SETD7: variants seen among roughly 807,000 people sequenced by gnomAD.
SETD7 encodes SET domain containing 7, histone lysine methyltransferase.
A neutral mutation model predicts 41.8 loss-of-function variants in SETD7; 16 were observed. The ratio of observed to expected loss-of-function variants is 0.38; its 90% confidence interval spans 0.26 to 0.58. The LOEUF (loss-of-function observed/expected upper bound fraction) is 0.58. Ranked by LOEUF, SETD7 falls within the 20% of genes least tolerant of loss-of-function variation. The pLI is 0.64. For missense variants in SETD7, 346 were observed against 459.7 expected (o/e 0.75, Z 2.26); for synonymous variants, 163 against 169.7 (o/e 0.96, Z 0.31).
In SETD7 at chr4:139,508,334, T is replaced by C. The variant is rs1726765829; in HGVS notation, c.*3329A>G. ...CTTAGTGTCTCAGGTAGATCAAGGA[T>C]GAAGCAAGTTAAAATAAGAATAGGT... is the stretch of plus-strand genomic sequence containing the variant. On this transcript the variant is annotated 3_prime_UTR_variant, in exon 8 of 8. Coordinates refer to ENST00000274031, the MANE Select transcript of SETD7 (RefSeq NM_030648.4). 1 of 152,200 alleles carries C rather than the reference T, an allele frequency of 6.6e-6. No individual in the cohort carries two copies. The highest frequency in any genetic ancestry group is 1.5e-5 in the Non-Finnish European group (1 of 68,042). The allele number at this position is 152,200 out of a possible 1,614,324, so 9.4% of individuals were successfully genotyped here. A position where few individuals can be genotyped will look rare whatever the true frequency, so the allele number is the denominator to read the frequency against.
At chr4:139,528,952 G>C in intron 4 of SETD7, 79 bp downstream of exon 4, 1 of 1,251,612 alleles carries the variant, frequency 8.0e-7, no homozygotes, top group Non-Finnish European at 1.2e-6. Flanking sequence ...GAGAGGAAAA[G>C]AAAAGAAGCT....
intron 6 of SETD7, among the ~76,000 whole-genome samples, chr4:139,519,510 T>G (rs1185481738): frequency 6.6e-6 from 1 of 152,262 alleles, no homozygotes; most frequent in African/African-American, 2.4e-5. Flanking sequence ...CAGACCATAG[T>G]GCAGTTTGAA....
At chr4:139,502,715 G>C (rs1047344380), downstream of SETD7, among the ~76,000 whole-genome samples, 3 of 152,184 alleles carry the variant, frequency 2.0e-5, no homozygotes, top group African/African-American at 7.2e-5. Context: ...ACAGCAGAGA[G>C]GCAGGAAAAG....
At chr4:139,505,689 C>T (rs1057385173), downstream of SETD7, among the ~76,000 whole-genome samples, 12 of 152,086 alleles carry the variant, frequency 7.9e-5, no homozygotes, top group Admixed American at 2.0e-4. Flanking sequence ...CAAAATCTAC[C>T]ACAACGTCTA....
intron 5 of SETD7, 150 bp from the exon 6 acceptor site, chr4:139,520,544 C>T (rs978192154): frequency 2.1e-5 from 10 of 487,434 alleles, no homozygotes; most frequent in African/African-American, 1.8e-4. Flanking sequence ...AGTTAAACCA[C>T]AATATTTTGG....
chr4:139,546,600 C>T (rs1727955229), intron 2 of SETD7: 2 of 370,396 alleles, frequency 5.4e-6, no homozygotes, highest in South Asian at 2.3e-5. Context: ...GATGCGCTAC[C>T]GGAATGATCA....
intron 2 of SETD7, among the ~76,000 whole-genome samples, chr4:139,538,172 G>C (rs191550137): frequency 6.6e-6 from 1 of 152,070 alleles, no homozygotes; most frequent in African/African-American, 2.4e-5. Context: ...AGTAATTTAT[G>C]AGTGATCCAA....
rs34969738 is a variant in SETD7 at position 139,555,182 on chromosome 4, CAAAAAAA to C, written c.40+909_40+915del. On this transcript the variant is annotated intron_variant, in intron 1 of 7. Transcript: ENST00000274031. The surrounding 1 kb of genome is among the most constrained non-coding windows in gnomAD (Gnocchi z 4.0). ...CCCCACATCGTTTTTTCAGAACTAA[CAAAAAAA>C]AAAAAAAAAAGGTGGAGAAACTCAG... Among the ~76,000 whole-genome samples the C allele has an allele frequency of 2.7e-5, 3 of 110,282 alleles. No individual in the cohort carries two copies. The highest frequency in any genetic ancestry group is 1.1e-4 in the Admixed American group (1 of 9,494). The allele number at this position is 110,282 out of a possible 152,430, so 72.3% of individuals were successfully genotyped here. A position where few individuals can be genotyped will look rare whatever the true frequency, so the allele number is the denominator to read the frequency against.
intron 2 of SETD7, among the ~76,000 whole-genome samples, chr4:139,538,254 C>T (rs1727692892): frequency 6.6e-6 from 1 of 152,106 alleles, no homozygotes; most frequent in Admixed American, 6.5e-5. Context: ...ACATAAAAAG[C>T]AATTCAAGCA....
chr4:139,528,389 G>C (rs1260230705), intron 4 of SETD7, among the ~76,000 whole-genome samples: 1 of 152,104 alleles, frequency 6.6e-6, no homozygotes, highest in African/African-American at 2.4e-5. Context: ...TACTTGATTT[G>C]GTTCTTTATT....
chr4:139,544,808 G>GTGTGTGTGTA (rs1479297916), intron 2 of SETD7, among the ~76,000 whole-genome samples: 1 of 151,298 alleles, frequency 6.6e-6, no homozygotes, highest in African/African-American at 2.4e-5. Context: ...GTGTGTGTGT[G>GTGTGTGTGTA]TGTGTGTGTG....
intron 3 of SETD7, chr4:139,532,816 A>G (rs1727524757): frequency 3.0e-6 from 1 of 330,336 alleles, no homozygotes. Flanking sequence ...TAATAGCAAC[A>G]ATGAAAATTT....
At chr4:139,531,443 C>T (rs564899454) in intron 3 of SETD7, among the ~76,000 whole-genome samples, 1 of 152,224 alleles carries the variant, frequency 6.6e-6, no homozygotes, top group Non-Finnish European at 1.5e-5. Flanking sequence ...TCAGCAGCGC[C>T]CCAGCACTGG....
chr4:139,522,516 ACTTT>A (rs1727204116), intron 5 of SETD7, among the ~76,000 whole-genome samples: 2 of 152,196 alleles, frequency 1.3e-5, no homozygotes, highest in Non-Finnish European at 2.9e-5. Context: ...TGCCTCTTAT[ACTTT>A]CTTTGTTTCA....
At position 139,499,972 on chromosome 4, in the gene SETD7, A is replaced by T. The variant is rs1462457862; in HGVS notation, c.921-3451T>A. Among the ~76,000 whole-genome samples, 4 of 151,884 alleles carry T rather than the reference A, an allele frequency of 2.6e-5. No homozygotes were observed. The East Asian group carries it at 7.7e-4, about 29-fold the overall frequency. On this transcript the variant is annotated intron_variant, in intron 7 of 7. Coordinates refer to the SETD7 transcript ENST00000506866. ...ATTAGATCATGCCGTTTTTGTCCAAACATATTTCATACTTCATTGAACCTA... is the reference window on the plus strand; with the variant it reads ...ATTAGATCATGCCGTTTTTGTCCAATCATATTTCATACTTCATTGAACCTA...
intron 2 of SETD7, among the ~76,000 whole-genome samples, chr4:139,539,080 T>C (rs1232241791): frequency 6.6e-6 from 1 of 152,212 alleles, no homozygotes; most frequent in Non-Finnish European, 1.5e-5. Flanking sequence ...TGTTTGAATA[T>C]AGAAAACTGT....
At chr4:139,522,002 C>T (rs1430221211) in intron 5 of SETD7, among the ~76,000 whole-genome samples, 5 of 152,236 alleles carry the variant, frequency 3.3e-5, no homozygotes, top group Admixed American at 3.3e-4. Flanking sequence ...ATGTTTGATT[C>T]TGTAAACCAC....
chr4:139,493,171 G>T (rs1244995604), downstream of SETD7, among the ~76,000 whole-genome samples: 4 of 152,188 alleles, frequency 2.6e-5, no homozygotes, highest in African/African-American at 9.7e-5. Context: ...GGATAACAAT[G>T]AAACAATTTG....
downstream of SETD7, among the ~76,000 whole-genome samples, chr4:139,494,234 T>C (rs1726414307): frequency 6.6e-6 from 1 of 152,184 alleles, no homozygotes; most frequent in Non-Finnish European, 1.5e-5. Flanking sequence ...AGATCATAGG[T>C]AATAGAGCAA....
Sources: allele counts gnomAD v4.1 joint callset (sites outside exome capture counted in the v4.1 genomes callset), GRCh38; gene constraint gnomAD v4.1.1; non-coding constraint Gnocchi (gnomAD v3.1); transcripts MANE v1.5; gene names NCBI Gene and HGNC (gene_info 2026-07-23, HGNC 2026-07-21).